APBA2: variants seen among roughly 807,000 people sequenced by gnomAD.
APBA2 encodes amyloid-beta A4 precursor protein-binding family A member 2.
In APBA2, 30 loss-of-function variants were observed where a neutral mutation model predicts 75.0. The ratio of observed to expected loss-of-function variants is 0.40; its 90% CI spans 0.30 to 0.54. The LOEUF (loss-of-function observed/expected upper bound fraction) is 0.54, where lower values mean the gene tolerates loss of function less well. APBA2 is among the 20% of genes least tolerant of loss of function. The pLI is 0.49. For missense variants in APBA2, 801 were observed against 1,016.1 expected, an observed-to-expected ratio of 0.79 and a Z score of 2.88; for synonymous variants, 444 against 409.6, an observed-to-expected ratio of 1.08 and a Z score of -1.01.
intron 4 of APBA2, among the ~76,000 whole-genome samples, chr15:29,073,637 CCACTGT>C (rs1244377324): frequency 6.6e-6 from 1 of 152,240 alleles, no homozygotes; most frequent in Non-Finnish European, 1.5e-5. Flanking sequence ...CAGGCGTGAG[CCACTGT>C]GCCCAGCTGG....
At chr15:28,973,813 T>G (rs1239779975) in intron 2 of APBA2, among the ~76,000 whole-genome samples, 3 of 152,044 alleles carry the variant, frequency 2.0e-5, no homozygotes, top group Non-Finnish European at 4.4e-5. Context: ...GCCCTGCAGG[T>G]AGGAAAGTGG....
At chr15:29,105,313 C>G in intron 10 of APBA2, 66 bp from the exon 11 acceptor site, 1 of 1,536,470 alleles carries the variant, frequency 6.5e-7, no homozygotes. Context: ...CCGCAGCCCC[C>G]TGCTGAGGAG....
intron 4 of APBA2, among the ~76,000 whole-genome samples, chr15:29,056,387 A>C (rs908596184): frequency 6.6e-6 from 1 of 152,234 alleles, no homozygotes; most frequent in Non-Finnish European, 1.5e-5. Context: ...TTCTTCCCAG[A>C]AGAGGCATTG....
At chr15:29,026,112 G>T (rs976304841) in intron 3 of APBA2, among the ~76,000 whole-genome samples, 1 of 152,056 alleles carries the variant, frequency 6.6e-6, no homozygotes, top group Non-Finnish European at 1.5e-5. Flanking sequence ...TCCTCTTAAT[G>T]ACCCCTACCC....
chr15:28,936,587 G>A (rs891878921), intron 2 of APBA2, among the ~76,000 whole-genome samples: 5 of 152,252 alleles, frequency 3.3e-5, no homozygotes, highest in Non-Finnish European at 5.9e-5. Context: ...CGTGCTGGGT[G>A]CCTGCTTGAG....
At chr15:28,944,209 A>G (rs1297962537) in intron 2 of APBA2, among the ~76,000 whole-genome samples, 1 of 152,212 alleles carries the variant, frequency 6.6e-6, no homozygotes, top group Non-Finnish European at 1.5e-5. Flanking sequence ...TTGGAAAAGA[A>G]CATGAATTGC....
intron 1 of APBA2, among the ~76,000 whole-genome samples, chr15:28,891,183 T>C (rs1284693625): frequency 2.6e-5 from 4 of 152,198 alleles, no homozygotes; most frequent in Non-Finnish European, 5.9e-5. Context: ...TCATCCTTCT[T>C]TGTTTGTCAT....
intron 3 of APBA2, among the ~76,000 whole-genome samples, chr15:29,001,882 G>A (rs953743199): frequency 3.3e-5 from 5 of 152,234 alleles, no homozygotes; most frequent in African/African-American, 1.2e-4. Flanking sequence ...TGTGATGAAA[G>A]AGAAGTTAGC....
chr15:28,986,609 G>A (rs2037940101), intron 2 of APBA2, among the ~76,000 whole-genome samples: 1 of 150,734 alleles, frequency 6.6e-6, no homozygotes, highest in Admixed American at 6.7e-5. Flanking sequence ...TGGGATTACA[G>A]GTGTGTGCCA....
At chr15:29,064,530 C>T (rs963822262) in intron 4 of APBA2, among the ~76,000 whole-genome samples, 1 of 152,140 alleles carries the variant, frequency 6.6e-6, no homozygotes, top group Non-Finnish European at 1.5e-5. Flanking sequence ...AGGACAGGCT[C>T]CAGAGTTAGG....
chr15:29,018,854 T>A (rs1161138103), intron 3 of APBA2, among the ~76,000 whole-genome samples: 1 of 152,218 alleles, frequency 6.6e-6, no homozygotes, highest in East Asian at 1.9e-4. Flanking sequence ...GGGCCCCCAC[T>A]TGCTGCCAGT....
intron 6 of APBA2, among the ~76,000 whole-genome samples, chr15:29,083,414 TCAGACCTTGCCACCATCATTCC>T (rs1229041528): frequency 1.3e-5 from 2 of 152,220 alleles, no homozygotes; most frequent in Non-Finnish European, 2.9e-5. Flanking sequence ...AGGGCTACTT[TCAGACCTTGCCACCATCATTCC>T]ATTTCAGATT....
chr15:28,960,864 A>T (rs1424965621), intron 2 of APBA2, among the ~76,000 whole-genome samples: 2 of 150,432 alleles, frequency 1.3e-5, no homozygotes, highest in Non-Finnish European at 2.9e-5. Flanking sequence ...GGTTCAAATG[A>T]TTCTCCTGCC....
At chr15:29,078,344 G>A (rs2042938145) in intron 6 of APBA2, among the ~76,000 whole-genome samples, 1 of 151,836 alleles carries the variant, frequency 6.6e-6, no homozygotes, top group South Asian at 2.1e-4. Context: ...CAGGCACGGT[G>A]GCTCATGCCT....
intron 13 of APBA2, chr15:29,108,645 G>A (rs1276445559): frequency 3.4e-6 from 2 of 592,266 alleles, no homozygotes; most frequent in South Asian, 2.0e-5. Context: ...TGTCCCCATG[G>A]TGGTTGTCCC....
At chr15:28,994,503 C>T (rs2152789992) in intron 2 of APBA2, among the ~76,000 whole-genome samples, 1 of 152,270 alleles carries the variant, frequency 6.6e-6, no homozygotes, top group East Asian at 1.9e-4. Context: ...CCAGTTTCCC[C>T]TGAGCAGAGG....
At chr15:28,945,706 CAG>C (rs2035508766) in intron 2 of APBA2, among the ~76,000 whole-genome samples, 1 of 151,942 alleles carries the variant, frequency 6.6e-6, no homozygotes, top group African/African-American at 2.4e-5. Flanking sequence ...TTAGTAGAGA[CAG>C]GGTTTTAACA....
At chr15:28,886,431 G>A (rs2031728338) in intron 1 of APBA2, among the ~76,000 whole-genome samples, 153 bp downstream of exon 1, 1 of 150,858 alleles carries the variant, frequency 6.6e-6, no homozygotes, top group Non-Finnish European at 1.5e-5. Context: ...GTGGCTGCGG[G>A]GCGGCCGCCG....
chr15:29,001,960 G>A lies in APBA2; in HGVS notation c.-41+6154G>A, dbSNP rs561467204. Among the ~76,000 whole-genome samples, 272 of 152,266 alleles carry A rather than the reference G, an allele frequency of 1.8e-3. 1 individual carries two copies. The highest frequency in any genetic ancestry group is 6.5e-3 in the African/African-American group (270 of 41,540). ...TTAATTATGTCCAATTCTAATTAAT[G>A]ACATTAGTGTGCAAGCTGGCATTCT... On this transcript the variant is annotated intron_variant, in intron 3 of 14. Coordinates refer to ENST00000683413, the MANE Select transcript of APBA2 (RefSeq NM_001353788.2).
Sources: gnomAD v4.1 joint callset for allele counts (sites outside exome capture counted in the v4.1 genomes callset) on GRCh38, gnomAD v4.1.1 for gene constraint, MANE v1.5 for transcripts, NCBI Gene and HGNC (gene_info 2026-07-23, HGNC 2026-07-21) for gene names.